The following ENTPD1 variants were observed in gnomAD, a reference collection of about 807,000 sequenced individuals.
ENTPD1 encodes ectonucleoside triphosphate diphosphohydrolase 1.
In ENTPD1, 33 loss-of-function variants were observed where a neutral mutation model predicts 57.0. The ratio of observed to expected loss-of-function variants is 0.58; its 90% CI spans 0.44 to 0.77. ENTPD1 has a LOEUF of 0.77. ENTPD1 is among the 30% of genes least tolerant of loss of function. ENTPD1 has a pLI of 0.00. For synonymous variants in ENTPD1, 202 were observed against 218.8 expected, an observed-to-expected ratio of 0.92 and a Z score of 0.68; for missense variants, 501 against 603.4, an observed-to-expected ratio of 0.83 and a Z score of 1.78.
At chr10:95,716,732 C>T (rs1029462705) in intron 1 of ENTPD1, among the ~76,000 whole-genome samples, 8 of 152,196 alleles carry the variant, frequency 5.3e-5, no homozygotes, top group African/African-American at 1.9e-4. Flanking sequence ...CTTAAACTTC[C>T]CAGTCTCCAG....
intron 1 of ENTPD1, among the ~76,000 whole-genome samples, chr10:95,768,045 G>C (rs1215574065): frequency 3.3e-5 from 5 of 152,256 alleles, no homozygotes; most frequent in Non-Finnish European, 7.3e-5. Flanking sequence ...GCCCTTGCCA[G>C]ATGCTGGCCC....
intron 9 of ENTPD1, among the ~76,000 whole-genome samples, chr10:95,865,793 G>A (rs140155515): frequency 3.9e-5 from 6 of 152,072 alleles, no homozygotes; most frequent in Admixed American, 3.9e-4. Flanking sequence ...TAAGAGACAT[G>A]GTCTCACGCT....
chr10:95,718,768 C>A (rs915169400), intron 1 of ENTPD1, among the ~76,000 whole-genome samples: 2 of 152,156 alleles, frequency 1.3e-5, no homozygotes, highest in African/African-American at 4.8e-5. Flanking sequence ...CCCCACTTTT[C>A]GAAGTCCTTT....
At chr10:95,695,334 C>A in the ENTPD1 span, among the ~76,000 whole-genome samples, 1 of 152,186 alleles carries the variant, frequency 6.6e-6, no homozygotes, top group African/African-American at 2.4e-5. Flanking sequence ...CCTATGTCCA[C>A]GGTTCTGACA....
At position 95,876,317 on chromosome 10, in the gene ENTPD1, A is replaced by G; in HGVS notation, c.*9934A>G. 2.0e-6 allele frequency: 2 copies of G among 985,328 alleles called. No individual in the cohort carries two copies. Among genetic ancestry groups the G allele is most frequent in the Non-Finnish European group, 2.4e-6 (2 of 829,808 alleles). The allele number at this position is 985,328 out of a possible 1,614,324, so 61.0% of individuals were successfully genotyped here. On this transcript the variant is annotated 3_prime_UTR_variant, in exon 10 of 10. Transcript: ENST00000371205. ...TGAAATGACTTTTGGCCTAGTAACA[A>G]TGAAAATGGGGGCAAATACAGATAA...
chr10:95,777,940 A>G (rs906253417), intron 1 of ENTPD1, among the ~76,000 whole-genome samples: 2 of 152,174 alleles, frequency 1.3e-5, no homozygotes, highest in Admixed American at 1.3e-4. Flanking sequence ...TGGGCATGGG[A>G]TCCGCTGAAC....
the ENTPD1 span, among the ~76,000 whole-genome samples, chr10:95,705,491 TTTG>T: frequency 6.6e-6 from 1 of 152,110 alleles, no homozygotes; most frequent in Non-Finnish European, 1.5e-5. Flanking sequence ...AACAATTTTT[TTTG>T]TTGTTGTTGT....
chr10:95,783,075 G>C (rs1439776326), intron 1 of ENTPD1, among the ~76,000 whole-genome samples: 3 of 152,044 alleles, frequency 2.0e-5, no homozygotes, highest in Admixed American at 6.6e-5. Context: ...TTGTCTCCTA[G>C]GGAGTTTCTT....
chr10:95,729,622 A>G (rs2097987253), intron 1 of ENTPD1, among the ~76,000 whole-genome samples: 1 of 152,244 alleles, frequency 6.6e-6, no homozygotes, highest in Admixed American at 6.5e-5. Context: ...TTGAAACAAT[A>G]GAGTCAGCAA....
At chr10:95,727,842 T>C (rs1589649147) in intron 1 of ENTPD1, among the ~76,000 whole-genome samples, 1 of 152,338 alleles carries the variant, frequency 6.6e-6, no homozygotes, top group East Asian at 1.9e-4. Context: ...CTCCTAGCAG[T>C]CTGATGCCAA....
At chr10:95,826,696 A>C (rs2098378317) in intron 2 of ENTPD1, among the ~76,000 whole-genome samples, 1 of 152,156 alleles carries the variant, frequency 6.6e-6, no homozygotes, top group Non-Finnish European at 1.5e-5. Flanking sequence ...GTGTTATATA[A>C]AGATGGGGAG....
At chr10:95,813,741 A>G (rs776645401) in intron 1 of ENTPD1, among the ~76,000 whole-genome samples, 1 of 152,138 alleles carries the variant, frequency 6.6e-6, no homozygotes, top group Non-Finnish European at 1.5e-5. Flanking sequence ...CTTATAGCAC[A>G]TTTTTCTATA....
chr10:95,858,012 G>T lies in ENTPD1; in HGVS notation c.1075-2457G>T, dbSNP rs71482383. Among the ~76,000 whole-genome samples the T allele has an allele frequency of 9.2e-5, 14 of 152,104 alleles. 1 individual carries two copies. The highest frequency in any genetic ancestry group is 9.2e-4 in the Admixed American group (14 of 15,268). On this transcript the variant is annotated intron_variant, in intron 7 of 9. Transcript: ENST00000371205. The stretch of plus-strand genomic sequence containing the variant: ...CCGTCTCTACTAAAAATACAAATTA[G>T]CCGGGCGTGGTGGCAGGCGCCTGTA...
At chr10:95,844,725 A>C in intron 5 of ENTPD1, 90 bp downstream of exon 5, 1 of 1,430,744 alleles carries the variant, frequency 7.0e-7, no homozygotes, top group Non-Finnish European at 9.8e-7. Flanking sequence ...AGCCAGAATG[A>C]ATGAATGAAT....
chr10:95,756,381 C>T, intron 1 of ENTPD1, 126 bp downstream of exon 1: 1 of 1,065,578 alleles, frequency 9.4e-7, no homozygotes, highest in Admixed American at 2.6e-5. Context: ...ACTTTCCCAC[C>T]CTCTTCCTTC....
intron 1 of ENTPD1, among the ~76,000 whole-genome samples, chr10:95,805,942 C>T (rs1389869771): frequency 6.6e-6 from 1 of 152,162 alleles, no homozygotes; most frequent in Non-Finnish European, 1.5e-5. Context: ...TTCATTTCAA[C>T]CTTGGTGAAT....
intron 1 of ENTPD1, among the ~76,000 whole-genome samples, chr10:95,806,365 C>T (rs756370442): frequency 8.5e-5 from 13 of 152,318 alleles, no homozygotes; most frequent in Non-Finnish European, 1.8e-4. Flanking sequence ...GTCTTTTCTA[C>T]ACTGTTTATT....
intron 1 of ENTPD1, among the ~76,000 whole-genome samples, chr10:95,724,493 G>A (rs1254600589): frequency 1.3e-5 from 2 of 152,176 alleles, no homozygotes; most frequent in Non-Finnish European, 2.9e-5. Flanking sequence ...TGGAATCTGG[G>A]ACCATGTGGT....
At chr10:95,771,658 A>G (rs761047723) in intron 1 of ENTPD1, among the ~76,000 whole-genome samples, 1 of 152,126 alleles carries the variant, frequency 6.6e-6, no homozygotes, top group Non-Finnish European at 1.5e-5. Context: ...GCTCCCACTT[A>G]TCCCAAACTA....
Sources: allele counts gnomAD v4.1 joint callset (sites outside exome capture counted in the v4.1 genomes callset), GRCh38; gene constraint gnomAD v4.1.1; transcripts MANE v1.5; gene names NCBI Gene and HGNC (gene_info 2026-07-23, HGNC 2026-07-21).